PABPC4L: variants seen among roughly 807,000 people sequenced by gnomAD.
PABPC4L encodes poly(A) binding protein cytoplasmic 4 like.
For missense variants in PABPC4L, 452 were observed against 451.4 expected (o/e 1.00, Z -0.01); for synonymous variants, 169 against 164.1 (o/e 1.03, Z -0.23).
At chr4:133,968,400 A>G in the PABPC4L span, among the ~76,000 whole-genome samples, 1 of 152,200 alleles carries the variant, frequency 6.6e-6, no homozygotes, top group East Asian at 1.9e-4. Flanking sequence ...CTTGGTCAGG[A>G]AATAAAGGGT....
chr4:134,105,777 T>G, the PABPC4L span, among the ~76,000 whole-genome samples: 1 of 151,626 alleles, frequency 6.6e-6, no homozygotes, highest in South Asian at 2.1e-4. Context: ...GTAGAAAGTT[T>G]TTTAGTGGGC....
chr4:134,034,323 G>A, the PABPC4L span, among the ~76,000 whole-genome samples: 14 of 151,794 alleles, frequency 9.2e-5, no homozygotes, highest in East Asian at 1.4e-3. Context: ...CTAGTCACCC[G>A]TGAGCTCTGA....
At chr4:133,980,456 T>A in the PABPC4L span, among the ~76,000 whole-genome samples, 9 of 152,164 alleles carry the variant, frequency 5.9e-5, no homozygotes, top group Non-Finnish European at 1.3e-4. Context: ...TACTTTTTGT[T>A]TGTTTAGTAT....
At chr4:134,150,619 G>T in the PABPC4L span, among the ~76,000 whole-genome samples, 3 of 152,096 alleles carry the variant, frequency 2.0e-5, no homozygotes, top group Admixed American at 1.3e-4. Flanking sequence ...CCAATTTCAA[G>T]AAAGATCATG....
the PABPC4L span, among the ~76,000 whole-genome samples, chr4:134,045,891 T>A: frequency 6.6e-6 from 1 of 152,304 alleles, no homozygotes; most frequent in African/African-American, 2.4e-5. Flanking sequence ...AAACAATGTG[T>A]ATCAGAAACA....
chr4:133,964,737 T>C, the PABPC4L span, among the ~76,000 whole-genome samples: 24 of 152,054 alleles, frequency 1.6e-4, no homozygotes, highest in African/African-American at 5.8e-4. Flanking sequence ...TCTCAATAGA[T>C]ACAGAAAAAG....
the PABPC4L span, among the ~76,000 whole-genome samples, chr4:133,969,047 G>A: frequency 2.4e-4 from 36 of 152,024 alleles, no homozygotes; most frequent in Non-Finnish European, 4.1e-4. Context: ...TTTGGGTCTC[G>A]GGTCTGAGAG....
chr4:134,047,278 A>C, the PABPC4L span, among the ~76,000 whole-genome samples: 1 of 152,120 alleles, frequency 6.6e-6, no homozygotes, highest in East Asian at 1.9e-4. Context: ...CATCATCCCC[A>C]CAGGGTTGAA....
At chr4:134,002,647 G>T in the PABPC4L span, among the ~76,000 whole-genome samples, 1 of 151,948 alleles carries the variant, frequency 6.6e-6, no homozygotes, top group Non-Finnish European at 1.5e-5. Context: ...TTAATGATAA[G>T]TATCACCTTA....
chr4:134,031,972 T>G, the PABPC4L span, among the ~76,000 whole-genome samples: 1 of 151,872 alleles, frequency 6.6e-6, no homozygotes, highest in Non-Finnish European at 1.5e-5. Context: ...AGTATAAAAA[T>G]ATATATCAAT....
the PABPC4L span, among the ~76,000 whole-genome samples, chr4:134,059,640 G>T: frequency 6.6e-6 from 1 of 151,106 alleles, no homozygotes; most frequent in Non-Finnish European, 1.5e-5. Context: ...TAGAACTATA[G>T]AAATAATATT....
chr4:134,014,835 C>G, the PABPC4L span, among the ~76,000 whole-genome samples: 3 of 152,026 alleles, frequency 2.0e-5, no homozygotes, highest in Admixed American at 1.3e-4. Flanking sequence ...GACAGCCAAG[C>G]TTATAAACCT....
the PABPC4L span, among the ~76,000 whole-genome samples, chr4:134,016,300 A>G: frequency 6.6e-6 from 1 of 152,072 alleles, no homozygotes; most frequent in Non-Finnish European, 1.5e-5. Context: ...GACTCTAAAT[A>G]TGCCTTCCAT....
At chr4:134,132,896 T>C in the PABPC4L span, among the ~76,000 whole-genome samples, 2 of 146,586 alleles carry the variant, frequency 1.4e-5, no homozygotes, top group African/African-American at 4.9e-5. Flanking sequence ...TATTAAAATA[T>C]TATATATTAT....
chr4:134,007,553 G>C, the PABPC4L span, among the ~76,000 whole-genome samples: 1 of 151,470 alleles, frequency 6.6e-6, no homozygotes, highest in Non-Finnish European at 1.5e-5. Flanking sequence ...AAATGAGAAG[G>C]CTTATATGTA....
At chr4:134,162,625 G>T in the PABPC4L span, among the ~76,000 whole-genome samples, 1 of 151,992 alleles carries the variant, frequency 6.6e-6, no homozygotes, top group Non-Finnish European at 1.5e-5. Flanking sequence ...ACAAAAGTCT[G>T]AATAATTTTT....
At chr4:134,020,334 A>C in the PABPC4L span, among the ~76,000 whole-genome samples, 1 of 152,148 alleles carries the variant, frequency 6.6e-6, no homozygotes, top group African/African-American at 2.4e-5. Context: ...GCTCTGCTAC[A>C]AGGGTTTGTG....
At chr4:134,055,480 G>A in the PABPC4L span, among the ~76,000 whole-genome samples, 1 of 151,758 alleles carries the variant, frequency 6.6e-6, no homozygotes, top group Non-Finnish European at 1.5e-5. Context: ...AACTCTTAAG[G>A]GCACCTAAAT....
At chr4:134,146,521 C>T in the PABPC4L span, among the ~76,000 whole-genome samples, 3 of 152,016 alleles carry the variant, frequency 2.0e-5, no homozygotes, top group Non-Finnish European at 4.4e-5. Flanking sequence ...ACTACCACCG[C>T]CAGCAGCTCA....
Sources: allele counts gnomAD v4.1 joint callset (sites outside exome capture counted in the v4.1 genomes callset), GRCh38; gene constraint gnomAD v4.1.1; transcripts MANE v1.5; gene names NCBI Gene and HGNC (gene_info 2026-07-23, HGNC 2026-07-21).